Variants in DLGAP2 observed in about 807,000 individuals in gnomAD.
The protein encoded by DLGAP2 is disks large-associated protein 2.
DLGAP2 carries 26 observed loss-of-function variants against 100.3 expected under a neutral mutation model. The ratio of observed to expected loss-of-function variants is 0.26; its 90% confidence interval spans 0.19 to 0.36. The LOEUF (loss-of-function observed/expected upper bound fraction) is 0.36, where lower values mean the gene tolerates loss of function less well. Among genes scored for constraint, DLGAP2 ranks in the 10% least tolerant of loss-of-function variants. DLGAP2 has a pLI of 1.00. For missense variants in DLGAP2, 1,858 were observed against 1,453.2 expected, an observed-to-expected ratio of 1.28 and a Z score of -4.53; for synonymous variants, 886 against 630.1, an observed-to-expected ratio of 1.41 and a Z score of -6.08.
intron 1 of DLGAP2, among the ~76,000 whole-genome samples, chr8:799,938 A>C (rs576269306): frequency 6.6e-6 from 1 of 152,290 alleles, no homozygotes; most frequent in East Asian, 1.9e-4. Context: ...CTCATGAATT[A>C]ATGCTGTAAT....
chr8:1,203,051 C>G lies in DLGAP2; in HGVS notation c.74-55800C>G, dbSNP rs552880591. On this transcript the variant is annotated intron_variant, in intron 2 of 14. Coordinates refer to ENST00000637795, the MANE Select transcript of DLGAP2 (RefSeq NM_001346810.2). ...CGGGCACCCACATCCACGCCGGTTC[C>G]GTAAGCTGCTCTCCGGCTCTCCCAA... Among the ~76,000 whole-genome samples, 11 of 152,304 alleles carry G rather than the reference C, an allele frequency of 7.2e-5. No individual in the cohort carries two copies. In the South Asian group the frequency reaches 1.7e-3, roughly 23 times the overall value.
chr8:1,234,586 C>A (rs184730961), intron 2 of DLGAP2, among the ~76,000 whole-genome samples: 130 of 152,250 alleles, frequency 8.5e-4, no homozygotes, highest in African/African-American at 3.0e-3. Flanking sequence ...GAGGACTTCA[C>A]ATTTGAATTT....
intron 2 of DLGAP2, among the ~76,000 whole-genome samples, chr8:1,132,716 A>G (rs1315424107): frequency 6.6e-6 from 1 of 152,208 alleles, no homozygotes; most frequent in Non-Finnish European, 1.5e-5. Context: ...TGATGGCTAT[A>G]GCAAGGATTT....
rs535703842 is a variant in DLGAP2 at position 1,641,148 on chromosome 8, A to G, written c.1810+8102A>G. ...AACCAGCTCCCAGTAAGGGTTTCCAAAGGTTAAATACTTGACACCTCTGTC... is the reference window on the plus strand; with the variant it reads ...AACCAGCTCCCAGTAAGGGTTTCCAGAGGTTAAATACTTGACACCTCTGTC... On this transcript the variant is annotated intron_variant, in intron 8 of 14. Coordinates refer to ENST00000637795, the MANE Select transcript of DLGAP2 (RefSeq NM_001346810.2). 2.0e-5 allele frequency among the ~76,000 whole-genome samples: 3 copies of G among 152,306 alleles called. No individual in the cohort carries two copies. In the South Asian group the frequency reaches 6.2e-4, roughly 32 times the overall value.
At chr8:1,221,444 G>A (rs1405953258) in intron 2 of DLGAP2, among the ~76,000 whole-genome samples, 2 of 152,174 alleles carry the variant, frequency 1.3e-5, no homozygotes, top group Non-Finnish European at 2.9e-5. Context: ...CTTCTGGCTT[G>A]TAAGATGTCT....
intron 4 of DLGAP2, among the ~76,000 whole-genome samples, chr8:1,521,902 GT>G (rs1800612513): frequency 5.4e-5 from 8 of 149,532 alleles, no homozygotes; most frequent in African/African-American, 7.4e-5. Flanking sequence ...GAATACTCGG[GT>G]GGCAGGTGAT....
intron 8 of DLGAP2, among the ~76,000 whole-genome samples, chr8:1,661,344 C>G (rs1227595327): frequency 1.3e-5 from 2 of 152,148 alleles, no homozygotes; most frequent in African/African-American, 4.8e-5. Flanking sequence ...AGTAGGAGCA[C>G]TGAGAAGAGG....
At chr8:822,681 C>T (rs566584511) in intron 1 of DLGAP2, among the ~76,000 whole-genome samples, 1 of 152,270 alleles carries the variant, frequency 6.6e-6, no homozygotes, top group Non-Finnish European at 1.5e-5. Context: ...AACTGTTTTC[C>T]AGTGGCTTTC....
chr8:747,629 C>T (rs1487268400), intron 1 of DLGAP2, among the ~76,000 whole-genome samples: 8 of 33,846 alleles, frequency 2.4e-4, no homozygotes, highest in South Asian at 1.2e-3. Context: ...GGATTGGGTG[C>T]GGGGGCTCCA....
intron 3 of DLGAP2, among the ~76,000 whole-genome samples, chr8:1,449,032 A>C (rs1028537860): frequency 6.6e-6 from 1 of 152,236 alleles, no homozygotes; most frequent in East Asian, 1.9e-4. Flanking sequence ...GGGGAGGCTC[A>C]GCACGGGTCA....
At chr8:989,288 C>G (rs965479415) in intron 2 of DLGAP2, among the ~76,000 whole-genome samples, 8 of 152,170 alleles carry the variant, frequency 5.3e-5, no homozygotes, top group African/African-American at 7.2e-5. Flanking sequence ...CACCCACATC[C>G]TAACCTCCTC....
At chr8:1,566,908 G>A (rs1377346669) in intron 6 of DLGAP2, among the ~76,000 whole-genome samples, 2 of 152,224 alleles carry the variant, frequency 1.3e-5, no homozygotes, top group Non-Finnish European at 2.9e-5. Flanking sequence ...AAATTCAAGA[G>A]CTATGGTGTA....
chr8:1,448,744 C>G lies in DLGAP2; in HGVS notation c.107-52622C>G, dbSNP rs577371173. ...AAATGTACTTTTTTCACTTGGAGAC[C>G]CAACATTTTTGTTCTGCATTCCCGT... On this transcript the variant is annotated intron_variant, in intron 3 of 14. Transcript: ENST00000637795. Among the ~76,000 whole-genome samples the G allele has an allele frequency of 1.2e-3, 184 of 152,190 alleles. 1 individual carries two copies. The highest frequency in any genetic ancestry group is 4.3e-3 in the African/African-American group (177 of 41,522).
intron 14 of DLGAP2, among the ~76,000 whole-genome samples, chr8:1,699,364 G>A (rs1021043450): frequency 1.3e-5 from 2 of 151,804 alleles, no homozygotes; most frequent in African/African-American, 2.4e-5. Flanking sequence ...CCAGCACTTC[G>A]GGAGGCCTAG....
chr8:986,421 T>C (rs1800489175), intron 2 of DLGAP2, among the ~76,000 whole-genome samples: 1 of 152,218 alleles, frequency 6.6e-6, no homozygotes, highest in South Asian at 2.1e-4. Flanking sequence ...AAATTAAACT[T>C]TTCTCTAGAC....
chr8:1,549,468 T>C lies in DLGAP2; in HGVS notation c.1015T>C (p.Ser339Pro). ...GCTGCAGAGCCCCTTCGGGGACCTG[T>C]CCCTCAAGACCTCCAAGAGCAACAA... ...DALQSPFGDL[S>P]LKTSKSNNDV... is the part of the protein sequence containing the mutation. Residue 339 changes from serine (S) to proline (P), a missense_variant, in exon 5 of 15, where the codon TCC (serine) becomes CCC (proline). Physicochemically the swap from Ser to Pro is moderately conservative, Grantham distance 74 (BLOSUM62 -1). Transcript: ENST00000637795. 1 of 1,613,462 alleles carries C rather than the reference T, an allele frequency of 6.2e-7. No homozygotes were observed. The highest frequency in any genetic ancestry group is 8.5e-7 in the Non-Finnish European group (1 of 1,179,774).
At chr8:864,286 C>T (rs993503297) in intron 1 of DLGAP2, among the ~76,000 whole-genome samples, 37 of 152,146 alleles carry the variant, frequency 2.4e-4, no homozygotes, top group Middle Eastern at 3.4e-3. Context: ...AGGGTGACTA[C>T]AGGTGAGAAT....
chr8:1,637,761 C>G lies in DLGAP2; in HGVS notation c.1810+4715C>G, dbSNP rs184554601. Among the ~76,000 whole-genome samples, 6 of 152,296 alleles carry G rather than the reference C, an allele frequency of 3.9e-5. No homozygotes were observed. The East Asian group carries it at 9.7e-4, about 25-fold the overall frequency. On this transcript the variant is annotated intron_variant, in intron 8 of 14. Transcript: ENST00000637795. ...AAGCACTGAAGTCCTGAGCATTGGC[C>G]CCGAAGGCCTAAAGTCTGGAAACAG...
chr8:819,256 G>A (rs1001976299), intron 1 of DLGAP2, among the ~76,000 whole-genome samples: 2 of 152,112 alleles, frequency 1.3e-5, no homozygotes, highest in Non-Finnish European at 2.9e-5. Context: ...ATAAGATAAG[G>A]ATATTTAAAA....
Sources: gnomAD v4.1 joint callset for allele counts (sites outside exome capture counted in the v4.1 genomes callset) on GRCh38, gnomAD v4.1.1 for gene constraint, MANE v1.5 for transcripts, NCBI Gene and HGNC (gene_info 2026-07-23, HGNC 2026-07-21) for gene names.